The following C3orf70 variants were observed in gnomAD, a reference collection of about 807,000 sequenced individuals.
The protein encoded by C3orf70 is chromosome 3 open reading frame 70.
C3orf70 carries 15 observed loss-of-function variants against 20.7 expected under a neutral mutation model. That is an observed-to-expected ratio of 0.72 (90% CI 0.48 to 1.11). The LOEUF is 1.11. Ranked by LOEUF, C3orf70 falls within the 50% of genes most tolerant of loss-of-function variation. The pLI is 0.00. For synonymous variants in C3orf70, 161 were observed against 125.7 expected, an observed-to-expected ratio of 1.28 and a Z score of -1.88; for missense variants, 332 against 317.6, an observed-to-expected ratio of 1.05 and a Z score of -0.34.
intron 1 of C3orf70, among the ~76,000 whole-genome samples, chr3:185,121,002 G>A (rs1051145003): frequency 5.3e-5 from 8 of 152,116 alleles, no homozygotes; most frequent in African/African-American, 1.4e-4. Flanking sequence ...TCAACAAGTG[G>A]ATAAAGAAAA....
At chr3:185,090,621 ATGTT>A (rs1715547020) in intron 1 of C3orf70, among the ~76,000 whole-genome samples, 1 of 151,916 alleles carries the variant, frequency 6.6e-6, no homozygotes, top group South Asian at 2.1e-4. Flanking sequence ...AATTATAATT[ATGTT>A]TATTTTATTC....
intron 1 of C3orf70, among the ~76,000 whole-genome samples, chr3:185,135,229 A>G (rs1164111641): frequency 7.1e-6 from 1 of 141,722 alleles, no homozygotes; most frequent in Non-Finnish European, 1.5e-5. Context: ...AGCAACCATG[A>G]AAAAAAAAAT....
intron 1 of C3orf70, among the ~76,000 whole-genome samples, chr3:185,090,904 C>G (rs1715556009): frequency 1.3e-5 from 2 of 152,196 alleles, no homozygotes; most frequent in Admixed American, 1.3e-4. Flanking sequence ...ATGCAAGATC[C>G]TAGTTCCTTC....
chr3:185,090,009 AAC>A (rs1256220432), intron 1 of C3orf70, among the ~76,000 whole-genome samples: 1 of 152,222 alleles, frequency 6.6e-6, no homozygotes, highest in East Asian at 1.9e-4. Context: ...TGAAAAAAGA[AAC>A]AAAGAGTTAT....
At chr3:185,105,015 CAATT>C (rs1715899284) in intron 1 of C3orf70, among the ~76,000 whole-genome samples, 1 of 152,110 alleles carries the variant, frequency 6.6e-6, no homozygotes, top group Admixed American at 6.5e-5. Flanking sequence ...TGCTGACAAC[CAATT>C]AAAGATTACC....
rs770082686 is a variant in C3orf70, at chr3:185,083,059, G to C, written c.701C>G (p.Ser234Cys). 3.5e-5 allele frequency: 57 copies of C among 1,614,034 alleles called. No homozygotes were observed. The highest frequency in any genetic ancestry group is 5.0e-5 in the Admixed American group (3 of 59,998). ...CACTTCCAGGTCAGACTGCGAGGGGGAGAGAAGGGTGCACTCATCCGGTTC... is the reference window on the plus strand; with the variant it reads ...CACTTCCAGGTCAGACTGCGAGGGGCAGAGAAGGGTGCACTCATCCGGTTC... ...SWEPDECTLL[S>C]PSQSDLEVIE... is the part of the protein sequence containing the mutation. Residue 234 changes from serine to cysteine, a missense_variant, in exon 2 of 2, where the codon TCC (serine) becomes TGC (cysteine). Coordinates refer to ENST00000335012, the MANE Select transcript of C3orf70 (RefSeq NM_001025266.3).
At chr3:185,136,450 G>A (rs1000805890) in intron 1 of C3orf70, among the ~76,000 whole-genome samples, 12 of 151,982 alleles carry the variant, frequency 7.9e-5, no homozygotes, top group Non-Finnish European at 1.2e-4. Flanking sequence ...TAGGCCAGGC[G>A]CGGTGGCTCA....
At chr3:185,126,105 A>G (rs1439269999) in intron 1 of C3orf70, among the ~76,000 whole-genome samples, 1 of 152,248 alleles carries the variant, frequency 6.6e-6, no homozygotes, top group Non-Finnish European at 1.5e-5. Context: ...CAAGTACAAC[A>G]GGATGTCGAT....
intron 1 of C3orf70, among the ~76,000 whole-genome samples, chr3:185,112,003 G>A (rs1716082356): frequency 2.0e-5 from 3 of 152,066 alleles, no homozygotes; most frequent in South Asian, 4.2e-4. Flanking sequence ...AGAAATCATG[G>A]GGCTGGGCCA....
At chr3:185,137,398 A>C (rs1217482836) in intron 1 of C3orf70, among the ~76,000 whole-genome samples, 3 of 152,338 alleles carry the variant, frequency 2.0e-5, no homozygotes, top group African/African-American at 7.2e-5. Context: ...ATATAGACAG[A>C]AAATAAGCAA....
Position 185,083,245 on chromosome 3 carries a change from T to C in C3orf70, c.515A>G (p.Glu172Gly), listed in dbSNP as rs139704806. ...VSAHDALISK[E>G]SNTPKIDHCS... Reference sequence around the variant, plus strand: ...GTGATCTATTTTTGGTGTATTGCTCTCTTTTGAAATTAAGGCATCGTGTGC... The same window carrying C: ...GTGATCTATTTTTGGTGTATTGCTCCCTTTTGAAATTAAGGCATCGTGTGC... The change falls in exon 2 of 2, where the codon GAG becomes GGG. Residue 172 changes from glutamate (E) to glycine (G), a missense_variant. By Grantham distance (98) the Glu-to-Gly change is moderately conservative. Transcript: ENST00000335012. 5.6e-5 allele frequency: 90 copies of C among 1,614,240 alleles called. No homozygotes were observed. The highest frequency in any genetic ancestry group is 7.1e-5 in the Non-Finnish European group (84 of 1,180,046).
rs1715222839 is a variant in C3orf70, at chr3:185,077,608, G to A, written c.*5399C>T. On this transcript the variant is annotated 3_prime_UTR_variant, in exon 2 of 2. Coordinates refer to ENST00000335012, the MANE Select transcript of C3orf70 (RefSeq NM_001025266.3). ...GTTCTTTTCTGAGTATGGACTTGCC[G>A]CGCTGAGGCCTGGCCCCTGAGTCTT... Among the ~76,000 whole-genome samples, 1 of 151,970 alleles carries A rather than the reference G, an allele frequency of 6.6e-6. No individual in the cohort carries two copies. The highest frequency in any genetic ancestry group is 6.6e-5 in the Admixed American group (1 of 15,264).
intron 1 of C3orf70, among the ~76,000 whole-genome samples, chr3:185,139,598 A>C (rs2108605468): frequency 6.6e-6 from 1 of 152,178 alleles, no homozygotes; most frequent in Admixed American, 6.5e-5. Context: ...CTTCTTATAC[A>C]GCTATAGTAG....
intron 1 of C3orf70, among the ~76,000 whole-genome samples, chr3:185,136,301 T>C (rs1002718371): frequency 1.3e-5 from 2 of 152,158 alleles, no homozygotes; most frequent in East Asian, 1.9e-4. Flanking sequence ...GAACTACAAA[T>C]ATCTGGCCAG....
intron 1 of C3orf70, among the ~76,000 whole-genome samples, chr3:185,122,903 C>A (rs1716331882): frequency 6.6e-6 from 1 of 151,846 alleles, no homozygotes; most frequent in South Asian, 2.1e-4. Flanking sequence ...TGCCTGTAAT[C>A]CCAGTACTTT....
chr3:185,105,319 T>C (rs1463716925), intron 1 of C3orf70, among the ~76,000 whole-genome samples: 3 of 152,162 alleles, frequency 2.0e-5, no homozygotes, highest in Middle Eastern at 3.2e-3. Context: ...TGCTGGAAGG[T>C]TGTGGGTTCA....
At chr3:185,106,961 G>A (rs1049147758) in intron 1 of C3orf70, among the ~76,000 whole-genome samples, 7 of 152,216 alleles carry the variant, frequency 4.6e-5, no homozygotes, top group Non-Finnish European at 1.0e-4. Context: ...CACAGCTCCT[G>A]ATTGTGCCGT....
chr3:185,096,924 C>T lies in C3orf70; in HGVS notation c.197-13361G>A, dbSNP rs899704017. ...ACCAGTACAACCTGGGGAAGCAGTGCGTTTCTCTGCTGTCCTTTGGGCTGA... is the reference window on the plus strand; with the variant it reads ...ACCAGTACAACCTGGGGAAGCAGTGTGTTTCTCTGCTGTCCTTTGGGCTGA... On this transcript the variant is annotated intron_variant, in intron 1 of 1. Transcript: ENST00000335012. 3.9e-5 allele frequency among the ~76,000 whole-genome samples: 6 copies of T among 152,158 alleles called. No homozygotes were observed. The South Asian group carries it at 6.2e-4, about 16-fold the overall frequency.
At chr3:185,148,279 G>A (rs1716916317) in intron 1 of C3orf70, among the ~76,000 whole-genome samples, 1 of 152,082 alleles carries the variant, frequency 6.6e-6, no homozygotes, top group African/African-American at 2.4e-5. Context: ...ATCACCATGT[G>A]AGGACAAAGG....
Sources: allele counts gnomAD v4.1 joint callset (sites outside exome capture counted in the v4.1 genomes callset), GRCh38; gene constraint gnomAD v4.1.1; transcripts MANE v1.5; gene names NCBI Gene and HGNC (gene_info 2026-07-23, HGNC 2026-07-21).